The following MYZAP variants were observed in gnomAD, a reference collection of about 807,000 sequenced individuals.
The protein encoded by MYZAP is GRINL1A complex locus upstream.
In MYZAP, 66 loss-of-function variants were observed where a neutral mutation model predicts 69.4. That is an observed-to-expected ratio of 0.95 (90% CI 0.78 to 1.17). The LOEUF is 1.17. Among genes scored for constraint, MYZAP ranks in the 50% most tolerant of loss-of-function variants. The pLI, the probability that MYZAP is intolerant of heterozygous loss-of-function variation, is 0.00. For missense variants in MYZAP, 611 were observed against 556.2 expected (o/e 1.10, Z -0.99); for synonymous variants, 256 against 205.9 (o/e 1.24, Z -2.09).
At chr15:57,625,746 G>C (rs150919450) in intron 4 of MYZAP, 33 bp from the exon 5 acceptor site, 20,471 of 1,605,184 alleles carry the variant, frequency 0.013, 254 homozygotes, top group South Asian at 0.044. Context: ...TGTAGGGATT[G>C]ATTTTGTGTG....
intron 1 of MYZAP, among the ~76,000 whole-genome samples, chr15:57,592,578 G>A (rs1438454079): frequency 1.3e-5 from 2 of 152,086 alleles, no homozygotes; most frequent in South Asian, 2.1e-4. Context: ...GCCAAGGTGG[G>A]CAAACCAGAA....
chr15:57,647,880 G>T, intron 10 of MYZAP: 3 of 985,360 alleles, frequency 3.0e-6, no homozygotes, highest in Non-Finnish European at 3.6e-6. Context: ...CTGTGATATG[G>T]TGTGAACTTG....
At chr15:57,622,155 G>T (rs1258978989) in intron 4 of MYZAP, among the ~76,000 whole-genome samples, 10 of 151,936 alleles carry the variant, frequency 6.6e-5, no homozygotes, top group Non-Finnish European at 1.5e-4. Flanking sequence ...TTGTAGCAGG[G>T]TATAAAATTT....
chr15:57,683,220 C>G (rs1187183723), intron 12 of MYZAP, among the ~76,000 whole-genome samples: 2 of 152,138 alleles, frequency 1.3e-5, no homozygotes, highest in African/African-American at 4.8e-5. Flanking sequence ...AAGCTGCAGC[C>G]TGGCTGGGAA....
chr15:57,661,001 A>T (rs1411893478), intron 10 of MYZAP, among the ~76,000 whole-genome samples: 2 of 152,212 alleles, frequency 1.3e-5, no homozygotes, highest in East Asian at 3.9e-4. Flanking sequence ...TGTATTGAAT[A>T]ACACAGCCAA....
chr15:57,594,090 C>T (rs562682253), intron 1 of MYZAP, among the ~76,000 whole-genome samples: 2 of 152,270 alleles, frequency 1.3e-5, no homozygotes, highest in South Asian at 4.1e-4. Context: ...AAGGTTCTTC[C>T]TGAGGCATCA....
At chr15:57,607,902 C>T (rs529581808) in intron 2 of MYZAP, among the ~76,000 whole-genome samples, 16 of 152,112 alleles carry the variant, frequency 1.1e-4, no homozygotes, top group Non-Finnish European at 1.9e-4. Context: ...CATGCACTGT[C>T]GGGGAGACTC....
chr15:57,631,373 G>C lies in MYZAP; in HGVS notation c.679-1061G>C, dbSNP rs1015936921. Among the ~76,000 whole-genome samples, 5 of 151,268 alleles carry C rather than the reference G, an allele frequency of 3.3e-5. No homozygotes were observed. In the East Asian group the frequency reaches 9.7e-4, roughly 29 times the overall value. On this transcript the variant is annotated intron_variant, in intron 6 of 12. Coordinates refer to ENST00000267853, the MANE Select transcript of MYZAP (RefSeq NM_001018100.5). Reference sequence around the variant, plus strand: ...TCCAGGCCTTTAACTCCAGCCCACAGTTGCCTGTTTTAGAGACTGATGCTT... The same window carrying C: ...TCCAGGCCTTTAACTCCAGCCCACACTTGCCTGTTTTAGAGACTGATGCTT...
At chr15:57,638,090 A>G (rs1356459497) in intron 9 of MYZAP, among the ~76,000 whole-genome samples, 2 of 152,232 alleles carry the variant, frequency 1.3e-5, no homozygotes, top group African/African-American at 4.8e-5. Flanking sequence ...GAGAAAACTC[A>G]TCAGCTGTGA....
intron 11 of MYZAP, among the ~76,000 whole-genome samples, chr15:57,665,313 T>G (rs2038512503): frequency 6.6e-6 from 1 of 152,240 alleles, no homozygotes; most frequent in Admixed American, 6.5e-5. Flanking sequence ...TTCAGCTTCT[T>G]TTAGCAGTTG....
intron 11 of MYZAP, among the ~76,000 whole-genome samples, chr15:57,664,898 G>T (rs1183949902): frequency 1.3e-5 from 2 of 152,084 alleles, no homozygotes; most frequent in Admixed American, 1.3e-4. Flanking sequence ...CTGTGAAGTG[G>T]CATCCTCTCC....
At chr15:57,628,505 A>G (rs2433204) in intron 5 of MYZAP, among the ~76,000 whole-genome samples, 66,832 of 151,720 alleles carry the variant, frequency 0.44, 14,977 homozygotes, top group East Asian at 0.58. Flanking sequence ...CTCCCACCTC[A>G]GCCTCCCAAA....
rs1398472603 is a variant in MYZAP, at chr15:57,630,033, A to G, written c.678+179A>G. On this transcript the variant is annotated intron_variant, in intron 6 of 12. Coordinates refer to ENST00000267853, the MANE Select transcript of MYZAP (RefSeq NM_001018100.5). ...ACCCAGGCTGGAGTGCAGTGGTACA[A>G]TCATGGCTCACTGCAACCTCCGCCT... Among the ~76,000 whole-genome samples, 8 of 143,460 alleles carry G rather than the reference A, an allele frequency of 5.6e-5. No homozygotes were observed. In the South Asian group the frequency reaches 8.9e-4, roughly 16 times the overall value. The allele number at this position is 143,460 out of a possible 152,430, so 94.1% of individuals were successfully genotyped here. A position where few individuals can be genotyped will look rare whatever the true frequency, so the allele number is the denominator to read the frequency against.
rs557442336 is a variant in MYZAP, at chr15:57,656,581, T to C, written c.1120-4869T>C. On this transcript the variant is annotated intron_variant, in intron 10 of 12. Coordinates refer to ENST00000267853, the MANE Select transcript of MYZAP (RefSeq NM_001018100.5). Reference sequence around the variant, plus strand: ...GCTATCAAACCCAGGAGCATGTGAGTCTATTTATTTTAGAAGCTGAGTGCG... The same window carrying C: ...GCTATCAAACCCAGGAGCATGTGAGCCTATTTATTTTAGAAGCTGAGTGCG... Among the ~76,000 whole-genome samples, 8 of 151,996 alleles carry C rather than the reference T, an allele frequency of 5.3e-5. No individual in the cohort carries two copies. In the East Asian group the frequency reaches 1.5e-3, roughly 29 times the overall value.
intron 1 of MYZAP, among the ~76,000 whole-genome samples, chr15:57,602,005 G>C (rs141435094): frequency 7.0e-4 from 106 of 152,264 alleles, no homozygotes; most frequent in African/African-American, 2.5e-3. Context: ...CATGGAAAAT[G>C]AACAGGTTGG....
chr15:57,640,919 G>A (rs2037115331), intron 10 of MYZAP, among the ~76,000 whole-genome samples: 1 of 152,194 alleles, frequency 6.6e-6, no homozygotes, highest in Admixed American at 6.5e-5. Context: ...CTGCCCTATC[G>A]TCAACACTAG....
chr15:57,675,364 T>C (rs889198481), intron 12 of MYZAP, among the ~76,000 whole-genome samples: 2 of 152,136 alleles, frequency 1.3e-5, no homozygotes, highest in South Asian at 4.1e-4. Context: ...ACTAATGCTC[T>C]TAGTACCTTC....
intron 10 of MYZAP, chr15:57,647,650 T>A: frequency 1.0e-6 from 1 of 985,414 alleles, no homozygotes; most frequent in South Asian, 4.7e-5. Context: ...GCAGGCCTTA[T>A]TCTGGAGCAG....
At chr15:57,603,375 T>C (rs1454606827) in intron 1 of MYZAP, among the ~76,000 whole-genome samples, 1 of 152,310 alleles carries the variant, frequency 6.6e-6, no homozygotes, top group East Asian at 1.9e-4. Context: ...TTTAAGTGTA[T>C]AGTTCAGTGG....
Sources: gnomAD v4.1 joint callset for allele counts (sites outside exome capture counted in the v4.1 genomes callset) on GRCh38, gnomAD v4.1.1 for gene constraint, MANE v1.5 for transcripts, NCBI Gene and HGNC (gene_info 2026-07-23, HGNC 2026-07-21) for gene names.